RUFY3: variants seen among roughly 807,000 people sequenced by gnomAD.
RUFY3 encodes protein RUFY3.
Under a neutral mutation model 84.0 loss-of-function variants are expected in RUFY3, and 34 were observed. The observed-to-expected ratio is 0.40, with a 90% confidence interval of 0.31 to 0.54. The LOEUF (loss-of-function observed/expected upper bound fraction) is 0.54, where lower values mean the gene tolerates loss of function less well. Among genes scored for constraint, RUFY3 ranks in the 20% least tolerant of loss-of-function variants. The pLI, the probability that RUFY3 is intolerant of heterozygous loss-of-function variation, is 0.39. For missense variants in RUFY3, 507 were observed against 736.8 expected (o/e 0.69, Z 3.61); for synonymous variants, 242 against 252.9 (o/e 0.96, Z 0.41).
intron 14 of RUFY3, among the ~76,000 whole-genome samples, chr4:70,796,704 T>C (rs1373280040): frequency 6.6e-6 from 1 of 152,216 alleles, no homozygotes; most frequent in Non-Finnish European, 1.5e-5. Flanking sequence ...GATAGTCTGC[T>C]ACTGCAGGCT....
chr4:70,728,903 G>C (rs1331410523), intron 1 of RUFY3, among the ~76,000 whole-genome samples: 1 of 149,640 alleles, frequency 6.7e-6, no homozygotes, highest in Non-Finnish European at 1.5e-5. Flanking sequence ...TTTTAAATGA[G>C]GCCTTGAGAT....
intron 1 of RUFY3, among the ~76,000 whole-genome samples, chr4:70,714,839 T>A (rs1741388460): frequency 6.6e-6 from 1 of 152,244 alleles, no homozygotes; most frequent in Non-Finnish European, 1.5e-5. Context: ...GGTCACCTAC[T>A]AAGTTTTTGA....
intron 8 of RUFY3, among the ~76,000 whole-genome samples, chr4:70,779,100 C>T (rs1728471393): frequency 6.6e-6 from 1 of 152,194 alleles, no homozygotes; most frequent in Non-Finnish European, 1.5e-5. Flanking sequence ...AAGAGCTAGA[C>T]AAATATTTAT....
chr4:70,801,838 A>G (rs1309133012), intron 15 of RUFY3, among the ~76,000 whole-genome samples: 1 of 152,250 alleles, frequency 6.6e-6, no homozygotes, highest in East Asian at 1.9e-4. Context: ...TAGAAGGGCC[A>G]TAAAATTAAC....
chr4:70,760,912 A>C (rs916200320), intron 1 of RUFY3, among the ~76,000 whole-genome samples: 3 of 152,224 alleles, frequency 2.0e-5, no homozygotes, highest in Admixed American at 2.0e-4. Context: ...AAGTCCTTAA[A>C]CTTAATGAGA....
chr4:70,746,892 A>T (rs183304926), intron 1 of RUFY3, among the ~76,000 whole-genome samples: 211 of 152,308 alleles, frequency 1.4e-3, no homozygotes, highest in Admixed American at 2.3e-3. Context: ...TGGGTTGAGG[A>T]TGGAGTAGGG....
rs980029251 is a variant in RUFY3 at position 70,763,480 on chromosome 4, T to C, written c.353-72T>C. On this transcript the variant is annotated intron_variant, in intron 2 of 17. Coordinates refer to ENST00000381006, the MANE Select transcript of RUFY3 (RefSeq NM_001037442.4). Reference sequence around the variant, plus strand: ...GGTTTCCTGAAAAGTTGTGTGTGTATGTGTGTGTGTATTGAGAGTGCGCTT... The same window carrying C: ...GGTTTCCTGAAAAGTTGTGTGTGTACGTGTGTGTGTATTGAGAGTGCGCTT... The C allele has an allele frequency of 2.3e-5, 25 of 1,074,614 alleles. No individual in the cohort carries two copies. In the African/African-American group the frequency reaches 3.5e-4, roughly 15 times the overall value. The allele number at this position is 1,074,614 out of a possible 1,614,324, so 66.6% of individuals were successfully genotyped here.
Position 70,704,973 on chromosome 4 carries a change from G to T in RUFY3, c.37G>T (p.Glu13Ter). ...CCCGCCGCCGCCCACCGCTGGTGCC[G>T]AAAGTTGCAGCGAGGAGCCGGCGAG... Residue 13 changes from glutamate (E) to a stop codon, truncating the protein, a stop_gained, in exon 1 of 12, where the codon GAA (glutamate) becomes TAA (stop). Coordinates refer to the RUFY3 transcript ENST00000417478. LOFTEE classifies it high-confidence loss of function. The T allele has an allele frequency of 8.1e-7, 1 of 1,228,178 alleles. No homozygotes were observed. Among genetic ancestry groups the T allele is most frequent in the Non-Finnish European group, 1.0e-6 (1 of 987,436 alleles). The allele number at this position is 1,228,178 out of a possible 1,614,324, so 76.1% of individuals were successfully genotyped here.
At chr4:70,792,463 C>A (rs900655252) in intron 12 of RUFY3, 1 of 985,268 alleles carries the variant, frequency 1.0e-6, no homozygotes, top group Non-Finnish European at 1.2e-6. Flanking sequence ...CACAGACTAA[C>A]CCTTTCTAGG....
chr4:70,744,382 G>A (rs1721822176), intron 1 of RUFY3, among the ~76,000 whole-genome samples: 1 of 151,142 alleles, frequency 6.6e-6, no homozygotes, highest in Non-Finnish European at 1.5e-5. Flanking sequence ...ATGTATGTAT[G>A]TAGAGACAGG....
chr4:70,774,008 A>G (rs1053559665), intron 6 of RUFY3, among the ~76,000 whole-genome samples: 2 of 152,170 alleles, frequency 1.3e-5, no homozygotes, highest in Non-Finnish European at 2.9e-5. Flanking sequence ...CTGCGTTTAT[A>G]CCTCTTCTTG....
Position 70,722,815 on chromosome 4 carries a change from G to A in RUFY3, c.178+64G>A, listed in dbSNP as rs1387192066. On this transcript the variant is annotated intron_variant, in intron 1 of 17. Transcript: ENST00000381006. Reference sequence around the variant, plus strand: ...CCTCATTGTTATGGGGGAGGGCTGGGAGGATCAGGGAGAGGTAGAAAGAAC... The same window carrying A: ...CCTCATTGTTATGGGGGAGGGCTGGAAGGATCAGGGAGAGGTAGAAAGAAC... 5.4e-6 allele frequency: 8 copies of A among 1,491,092 alleles called. No homozygotes were observed. In the East Asian group the frequency reaches 1.6e-4, roughly 30 times the overall value. 92.4% of individuals were successfully genotyped at this position (1,491,092 alleles called of 1,614,324 possible).
intron 1 of RUFY3, among the ~76,000 whole-genome samples, chr4:70,708,932 C>T (rs1049532854): frequency 6.6e-6 from 1 of 152,086 alleles, no homozygotes; most frequent in African/African-American, 2.4e-5. Context: ...GTGGCACATG[C>T]CTCTGGTGCC....
chr4:70,804,281 T>C (rs1030842926), intron 16 of RUFY3, 67 bp from the exon 17 acceptor site: 32 of 1,287,216 alleles, frequency 2.5e-5, no homozygotes, highest in South Asian at 2.2e-4. Flanking sequence ...AGGTAAAAAA[T>C]GCATATTCTG....
At chr4:70,793,672 T>G (rs1731146044) in intron 12 of RUFY3, 113 bp from the exon 13 acceptor site, 1 of 1,584,182 alleles carries the variant, frequency 6.3e-7, no homozygotes, top group Non-Finnish European at 8.6e-7. Flanking sequence ...TTTTCCTCTC[T>G]CTGTCTCTCT....
At chr4:70,704,998 G>C (rs1321215152) in exon 1 of RUFY3, 3 of 1,224,698 alleles carry the variant, frequency 2.4e-6, no homozygotes, top group Non-Finnish European at 3.0e-6. Flanking sequence ...GAGCCGGCGA[G>C]GGGCGGGGAG....
intron 12 of RUFY3, chr4:70,791,489 A>G (rs888499154): frequency 2.5e-5 from 35 of 1,382,202 alleles, no homozygotes; most frequent in Non-Finnish European, 3.0e-5. Flanking sequence ...TTTTCTCCCC[A>G]GGGTTAGAAA....
intron 6 of RUFY3, 77 bp from the exon 7 acceptor site, chr4:70,775,091 A>G: frequency 1.3e-6 from 1 of 793,336 alleles, no homozygotes; most frequent in Non-Finnish European, 1.9e-6. Flanking sequence ...TTATGAAAAG[A>G]TGGGGTGGGG....
At chr4:70,804,750 T>C (rs1397611947) in intron 17 of RUFY3, among the ~76,000 whole-genome samples, 1 of 122,196 alleles carries the variant, frequency 8.2e-6, no homozygotes, top group Non-Finnish European at 1.7e-5. Flanking sequence ...ACCCCGTCTG[T>C]ACTAAAAATA....
Sources: allele counts gnomAD v4.1 joint callset (sites outside exome capture counted in the v4.1 genomes callset), GRCh38; gene constraint gnomAD v4.1.1; transcripts MANE v1.5; gene names NCBI Gene and HGNC (gene_info 2026-07-23, HGNC 2026-07-21).